Variants in LRP5 observed in about 807,000 individuals in gnomAD.
LRP5 encodes the protein LDL receptor related protein 5.
A neutral mutation model predicts 154.1 loss-of-function variants in LRP5; 62 were observed. That is an observed-to-expected ratio of 0.40 (90% CI 0.33 to 0.50). The LOEUF (loss-of-function observed/expected upper bound fraction) is 0.50. Among genes scored for constraint, LRP5 ranks in the 20% least tolerant of loss-of-function variants. The pLI, the probability that LRP5 is intolerant of heterozygous loss-of-function variation, is 0.55. For missense variants in LRP5, 1,915 were observed against 2,336.7 expected, an observed-to-expected ratio of 0.82 and a Z score of 3.72; for synonymous variants, 966 against 1,011.5, an observed-to-expected ratio of 0.96 and a Z score of 0.85.
At chr11:68,424,107 T>A (rs567272856) in intron 14 of LRP5, among the ~76,000 whole-genome samples, 17 of 152,314 alleles carry the variant, frequency 1.1e-4, no homozygotes, top group African/African-American at 3.6e-4. Context: ...CTGTTGGTCG[T>A]CAGAGCTTCT....
intron 1 of LRP5, among the ~76,000 whole-genome samples, chr11:68,341,059 C>CCTTTTTTTTTT (rs1555071026): frequency 3.7e-4 from 31 of 83,496 alleles, no homozygotes; most frequent in African/African-American, 1.4e-3. Flanking sequence ...GGAGATTGTT[C>CCTTTTTTTTTT]TTTTTTTTTT....
At chr11:68,328,508 G>A (rs1432696850) in intron 1 of LRP5, among the ~76,000 whole-genome samples, 5 of 152,186 alleles carry the variant, frequency 3.3e-5, no homozygotes, top group African/African-American at 9.6e-5. Context: ...CAGGGGAAAC[G>A]GCCGCTTCCC....
rs148066763 is a variant in LRP5 at position 68,421,686 on chromosome 11, CTGTGTG to C, written c.3028-1770_3028-1765del. On this transcript the variant is annotated intron_variant, in intron 13 of 22. Transcript: ENST00000294304. Reference sequence around the variant, plus strand: ...ATGTCTTTGCAGCTGCCCAGCAAGGCTGTGTGTGTGTGTGTGTGTGTGTGTGTGTGT... The same window carrying C: ...ATGTCTTTGCAGCTGCCCAGCAAGGCTGTGTGTGTGTGTGTGTGTGTGTGT... 7.5e-3 allele frequency among the ~76,000 whole-genome samples: 1,004 copies of C among 133,392 alleles called. 11 individuals carry two copies. The highest frequency in any genetic ancestry group is 0.025 in the African/African-American group (867 of 35,340). The allele number at this position is 133,392 out of a possible 152,430, so 87.5% of individuals were successfully genotyped here.
chr11:68,308,923 A>ATTTTTT (rs34529621), upstream of LRP5, among the ~76,000 whole-genome samples: 2 of 74,482 alleles, frequency 2.7e-5, no homozygotes, highest in Non-Finnish European at 4.7e-5. Context: ...TAATCAGCTA[A>ATTTTTT]TTTTTTTTTT....
chr11:68,357,860 G>C lies in LRP5; in HGVS notation c.686+13G>C. On this transcript the variant is annotated intron_variant, in intron 3 of 22. Coordinates refer to ENST00000294304, the MANE Select transcript of LRP5 (RefSeq NM_002335.4). ...ACGGCTCGTTCCGGTAGGTACCCAC[G>C]CAGTCCTGGGGCACCCCTTTCCCCT... 1 of 1,603,532 alleles carries C rather than the reference G, an allele frequency of 6.2e-7. No individual in the cohort carries two copies. Among genetic ancestry groups the C allele is most frequent in the East Asian group, 2.3e-5 (1 of 44,234 alleles).
chr11:68,302,373 G>C, the LRP5 span, among the ~76,000 whole-genome samples: 8 of 145,952 alleles, frequency 5.5e-5, no homozygotes, highest in South Asian at 1.8e-3. Flanking sequence ...AAAAAGACTT[G>C]TAAGTGACAA....
chr11:68,415,517 G>A (rs368496722), intron 12 of LRP5, among the ~76,000 whole-genome samples: 1,706 of 152,098 alleles, frequency 0.011, 43 homozygotes, highest in African/African-American at 0.039. Flanking sequence ...AGGCTGAGGC[G>A]GGCAGATCAC....
the LRP5 span, among the ~76,000 whole-genome samples, chr11:68,306,499 T>C: frequency 6.6e-6 from 1 of 152,238 alleles, no homozygotes; most frequent in African/African-American, 2.4e-5. Flanking sequence ...TAATCCACGA[T>C]GAGCTCCTCA....
Position 68,413,273 on chromosome 11 carries a change from A to T in LRP5, c.2504-416A>T. The T allele has an allele frequency of 2.9e-6, 1 of 347,644 alleles. No individual in the cohort carries two copies. Among genetic ancestry groups the T allele is most frequent in the East Asian group, 5.0e-5 (1 of 20,128 alleles). 21.5% of individuals were successfully genotyped at this position (347,644 alleles called of 1,614,324 possible). A position where few individuals can be genotyped will look rare whatever the true frequency, so the allele number is the denominator to read the frequency against. On this transcript the variant is annotated intron_variant, in intron 11 of 22. Transcript: ENST00000294304. The surrounding 1 kb of genome is among the most constrained non-coding windows in gnomAD (Gnocchi z 5.1). ...TGTGACCCTGCCAATGAGGGCGGCC[A>T]TGTGCATTGCAGCCTGGCCGTCACT...
At chr11:68,373,391 G>A (rs888190659) in intron 5 of LRP5, among the ~76,000 whole-genome samples, 10 of 136,730 alleles carry the variant, frequency 7.3e-5, no homozygotes, top group African/African-American at 3.7e-4. Flanking sequence ...GTTGGTGGCG[G>A]GGGGGGCCCC....
At chr11:68,401,252 G>A (rs996433516) in intron 7 of LRP5, among the ~76,000 whole-genome samples, 1 of 152,060 alleles carries the variant, frequency 6.6e-6, no homozygotes, top group Non-Finnish European at 1.5e-5. Flanking sequence ...TGTTGTGGAG[G>A]CAAAAATGTG....
the LRP5 span, among the ~76,000 whole-genome samples, chr11:68,298,750 G>A: frequency 6.6e-6 from 1 of 152,124 alleles, no homozygotes; most frequent in African/African-American, 2.4e-5. Context: ...CGGGGCTGGT[G>A]CAGACCTAAG....
chr11:68,349,453 G>T (rs1443559877), intron 2 of LRP5, among the ~76,000 whole-genome samples: 1 of 152,178 alleles, frequency 6.6e-6, no homozygotes, highest in Non-Finnish European at 1.5e-5. Context: ...AAGTGCGGAC[G>T]CTCAGGCAGG....
In LRP5 at chr11:68,410,111, G is replaced by T; in HGVS notation, c.2289G>T (p.Pro763=). ...QVLVWRDLDN[P]RSLALDPTKG... ...TCGTGTGGAGGGACTTGGACAACCC[G>T]AGGTCGCTGGCCCTGGATCCCACCA... Residue 763 remains proline (P), a synonymous_variant, in exon 10 of 23, where the codon CCG becomes CCT. Transcript: ENST00000294304. 1.9e-6 allele frequency: 3 copies of T among 1,613,890 alleles called. No individual in the cohort carries two copies. Among genetic ancestry groups the T allele is most frequent in the Non-Finnish European group, 2.5e-6 (3 of 1,180,018 alleles).
intron 5 of LRP5, among the ~76,000 whole-genome samples, chr11:68,385,275 G>A (rs573573991): frequency 8.5e-5 from 13 of 152,292 alleles, no homozygotes; most frequent in East Asian, 3.9e-4. Context: ...CACCTGTGCC[G>A]TGGAGGGGCG....
chr11:68,341,792 G>C (rs140590995), intron 1 of LRP5, among the ~76,000 whole-genome samples: 2 of 151,498 alleles, frequency 1.3e-5, no homozygotes, highest in South Asian at 4.2e-4. Flanking sequence ...GCAGCCCCCC[G>C]ACCCACTTCA....
chr11:68,312,172 C>T (rs563579767), upstream of LRP5, among the ~76,000 whole-genome samples: 1 of 152,360 alleles, frequency 6.6e-6, no homozygotes, highest in African/African-American at 2.4e-5. Flanking sequence ...TCTCCCTGTT[C>T]CCTTCTCTGC....
At chr11:68,399,830 T>C (rs2098651644) in intron 7 of LRP5, among the ~76,000 whole-genome samples, 1 of 152,248 alleles carries the variant, frequency 6.6e-6, no homozygotes, top group Non-Finnish European at 1.5e-5. Flanking sequence ...CAAGATGTGC[T>C]GAAAGTTGTC....
chr11:68,417,606 A>G (rs1007293007), intron 13 of LRP5, among the ~76,000 whole-genome samples: 4 of 151,450 alleles, frequency 2.6e-5, no homozygotes, highest in Non-Finnish European at 5.9e-5. Context: ...GATTACAGGC[A>G]TGAGCCACCG....
Sources: gnomAD v4.1 joint callset for allele counts (sites outside exome capture counted in the v4.1 genomes callset) on GRCh38, gnomAD v4.1.1 for gene constraint, Gnocchi (gnomAD v3.1) non-coding constraint, MANE v1.5 for transcripts, NCBI Gene and HGNC (gene_info 2026-07-23, HGNC 2026-07-21) for gene names.